The following EPS15L1 variants were observed in gnomAD, a reference collection of about 807,000 sequenced individuals.
EPS15L1 encodes the protein epidermal growth factor receptor substrate 15-like 1.
Under a neutral mutation model 117.1 loss-of-function variants are expected in EPS15L1, and 43 were observed. That is an observed-to-expected ratio of 0.37 (90% CI 0.29 to 0.47). The LOEUF (loss-of-function observed/expected upper bound fraction) is 0.47, where lower values mean the gene tolerates loss of function less well. EPS15L1 is among the 20% of genes least tolerant of loss of function. The probability of loss-of-function intolerance (pLI) is 0.99; values close to 1 mark genes in which losing one functional copy is unlikely to be tolerated. For missense variants in EPS15L1, 981 were observed against 1,164.0 expected (o/e 0.84, Z 2.29); for synonymous variants, 459 against 470.5 (o/e 0.98, Z 0.32).
intron 1 of EPS15L1, among the ~76,000 whole-genome samples, chr19:16,451,533 T>A (rs980661370): frequency 9.9e-5 from 15 of 151,592 alleles, no homozygotes; most frequent in Admixed American, 7.9e-4. Flanking sequence ...TATTTTATTT[T>A]TTTTATTTTT....
intron 1 of EPS15L1, among the ~76,000 whole-genome samples, chr19:16,443,301 CA>C (rs2093050689): frequency 6.6e-6 from 1 of 152,168 alleles, no homozygotes; most frequent in Admixed American, 6.6e-5. Context: ...CGATTTCTCA[CA>C]ATGAATAAAA....
chr19:16,436,644 C>T (rs774608733), intron 6 of EPS15L1: 82 of 325,034 alleles, frequency 2.5e-4, no homozygotes, highest in Non-Finnish European at 3.5e-4. Context: ...CCTAAAGATG[C>T]AAGATTTAAA....
chr19:16,444,013 G>A (rs377091063), intron 1 of EPS15L1, among the ~76,000 whole-genome samples: 2 of 144,166 alleles, frequency 1.4e-5, no homozygotes, highest in African/African-American at 5.2e-5. Context: ...GCAGTGAGCC[G>A]AGATCGCGCC....
In EPS15L1 at chr19:16,436,927, G is replaced by A. The variant is rs1351837641; in HGVS notation, c.372+10C>T. On this transcript the variant is annotated intron_variant, in intron 6 of 23. Coordinates refer to ENST00000455140, the MANE Select transcript of EPS15L1 (RefSeq NM_001258374.3). ...GAGAGCCAAGGAGGGAGCTATTCCCGTTCACTTACCCTCACAGCCCAGTGG... is the reference window on the plus strand; with the variant it reads ...GAGAGCCAAGGAGGGAGCTATTCCCATTCACTTACCCTCACAGCCCAGTGG... The A allele has an allele frequency of 2.0e-5, 32 of 1,609,198 alleles. No homozygotes were observed. The highest frequency in any genetic ancestry group is 4.5e-5 in the East Asian group (2 of 44,846).
chr19:16,374,324 G>C (rs749799345), intron 22 of EPS15L1, among the ~76,000 whole-genome samples: 1 of 152,070 alleles, frequency 6.6e-6, no homozygotes, highest in African/African-American at 2.4e-5. Context: ...GCAGAGCACC[G>C]AGTGGCACAG....
chr19:16,404,578 C>T lies in EPS15L1; in HGVS notation c.1428+10G>A, dbSNP rs771173287. The T allele has an allele frequency of 6.4e-5, 103 of 1,613,834 alleles. 1 individual carries two copies. The South Asian group carries it at 6.6e-4, about 10-fold the overall frequency. On this transcript the variant is annotated intron_variant, in intron 14 of 23. Transcript: ENST00000455140. The surrounding 1 kb of genome is among the most constrained non-coding windows in gnomAD (Gnocchi z 4.2). Reference sequence around the variant, plus strand: ...CATAGGGCGCTGCCCCGGAGGTGGCCGGGACCCACCATCTGAGTCTCATCC... The same window carrying T: ...CATAGGGCGCTGCCCCGGAGGTGGCTGGGACCCACCATCTGAGTCTCATCC...
intron 16 of EPS15L1, chr19:16,400,868 A>G: frequency 2.0e-6 from 2 of 985,390 alleles, no homozygotes; most frequent in Non-Finnish European, 2.4e-6. Flanking sequence ...CTTTTATCCA[A>G]GAAAACCGGT....
intron 23 of EPS15L1, among the ~76,000 whole-genome samples, chr19:16,359,740 A>C (rs2092026762): frequency 6.6e-6 from 1 of 152,000 alleles, no homozygotes; most frequent in African/African-American, 2.4e-5. Context: ...TGCGCGCCTG[A>C]GGTCCCAGCT....
At chr19:16,436,579 G>A (rs778201995) in intron 6 of EPS15L1, 16 of 195,674 alleles carry the variant, frequency 8.2e-5, no homozygotes, top group Non-Finnish European at 1.4e-4. Flanking sequence ...AGCTCTCACC[G>A]TTTCCTCTTC....
chr19:16,421,223 G>T, intron 10 of EPS15L1, 96 bp downstream of exon 10: 1 of 1,357,564 alleles, frequency 7.4e-7, no homozygotes. Flanking sequence ...CCTGTGACAG[G>T]CTGGAGGGGG....
intron 22 of EPS15L1, among the ~76,000 whole-genome samples, chr19:16,368,088 A>T (rs2092164427): frequency 6.6e-6 from 1 of 152,214 alleles, no homozygotes; most frequent in African/African-American, 2.4e-5. Context: ...AGAGATACAT[A>T]CAAAAACAAA....
intron 8 of EPS15L1, among the ~76,000 whole-genome samples, chr19:16,427,369 T>A (rs956713308): frequency 3.3e-5 from 5 of 152,188 alleles, no homozygotes; most frequent in African/African-American, 4.8e-5. Flanking sequence ...GTTCTGGAGT[T>A]TTCTGAATTT....
rs369755619 is a variant in EPS15L1, at chr19:16,419,288, G to A, written c.951-1184C>T. On this transcript the variant is annotated intron_variant, in intron 10 of 23. Coordinates refer to ENST00000455140, the MANE Select transcript of EPS15L1 (RefSeq NM_001258374.3). Reference sequence around the variant, plus strand: ...AGCTTGGCCAACATGGGGAAATCCCGCCTCTACTAAAAATACAAAAATTAG... The same window carrying A: ...AGCTTGGCCAACATGGGGAAATCCCACCTCTACTAAAAATACAAAAATTAG... Among the ~76,000 whole-genome samples the A allele has an allele frequency of 3.0e-4, 46 of 152,090 alleles. 1 individual carries two copies. Among genetic ancestry groups the A allele is most frequent in the African/African-American group, 9.9e-4 (41 of 41,426 alleles).
At chr19:16,366,491 CAG>C (rs2092134784) in intron 22 of EPS15L1, among the ~76,000 whole-genome samples, 1 of 152,136 alleles carries the variant, frequency 6.6e-6, no homozygotes, top group African/African-American at 2.4e-5. Flanking sequence ...AAGAGATGTT[CAG>C]AGAGATGAAA....
chr19:16,418,165 G>A (rs1257622712), intron 10 of EPS15L1, 61 bp from the exon 11 acceptor site: 20 of 1,542,100 alleles, frequency 1.3e-5, no homozygotes, highest in Non-Finnish European at 1.6e-5. Flanking sequence ...CTGAACCCAA[G>A]TCACCGATCC....
chr19:16,361,727 A>T, intron 23 of EPS15L1, 52 bp downstream of exon 23: 1 of 1,549,290 alleles, frequency 6.5e-7, no homozygotes, highest in African/African-American at 1.4e-5. Flanking sequence ...ATCCCAGGGA[A>T]GCTGCAAGCG....
At chr19:16,400,938 C>A (rs890683631) in intron 16 of EPS15L1, 29 of 985,264 alleles carry the variant, frequency 2.9e-5, no homozygotes, top group Non-Finnish European at 3.5e-5. Context: ...GAAGACTGAG[C>A]AGGACAAGCC....
chr19:16,408,843 T>G (rs1033999956), intron 13 of EPS15L1, among the ~76,000 whole-genome samples: 30 of 151,564 alleles, frequency 2.0e-4, no homozygotes, highest in African/African-American at 7.3e-4. Context: ...GAGCTGAGGG[T>G]CCAAAAATAA....
At chr19:16,378,074 T>C (rs780289075) in intron 21 of EPS15L1, among the ~76,000 whole-genome samples, 1 of 151,966 alleles carries the variant, frequency 6.6e-6, no homozygotes. Context: ...GATGAATGGA[T>C]AGACATATAT....
Sources: gnomAD v4.1 joint callset for allele counts (sites outside exome capture counted in the v4.1 genomes callset) on GRCh38, gnomAD v4.1.1 for gene constraint, Gnocchi (gnomAD v3.1) non-coding constraint, MANE v1.5 for transcripts, NCBI Gene and HGNC (gene_info 2026-07-23, HGNC 2026-07-21) for gene names.